PHACTR1: variants seen among roughly 807,000 people sequenced by gnomAD.
PHACTR1 encodes the protein phosphatase and actin regulator 1.
PHACTR1 carries 16 observed loss-of-function variants against 69.2 expected under a neutral mutation model. That is an observed-to-expected ratio of 0.23 (90% CI 0.16 to 0.35). The LOEUF (loss-of-function observed/expected upper bound fraction) is 0.35, where lower values mean the gene tolerates loss of function less well. PHACTR1 is among the 10% of genes least tolerant of loss of function. PHACTR1 has a pLI of 1.00. For synonymous variants in PHACTR1, 312 were observed against 284.5 expected (o/e 1.10, Z -0.97); for missense variants, 510 against 734.7 (o/e 0.69, Z 3.54).
chr6:12,915,501 T>C (rs1786871978), intron 4 of PHACTR1, among the ~76,000 whole-genome samples: 1 of 121,296 alleles, frequency 8.2e-6, no homozygotes, highest in Non-Finnish European at 1.7e-5. Flanking sequence ...AGTGAAACTC[T>C]CTCTCAAAAA....
intron 4 of PHACTR1, among the ~76,000 whole-genome samples, chr6:12,970,187 A>G (rs1794025995): frequency 6.6e-6 from 1 of 152,180 alleles, no homozygotes; most frequent in Non-Finnish European, 1.5e-5. Context: ...TGTGGACTTA[A>G]ACATTAGAGA....
intron 4 of PHACTR1, among the ~76,000 whole-genome samples, chr6:12,835,373 C>T (rs1337935450): frequency 6.6e-6 from 1 of 152,004 alleles, no homozygotes; most frequent in Non-Finnish European, 1.5e-5. Flanking sequence ...CCTGGCCTAA[C>T]CCTTAATCAA....
intron 4 of PHACTR1, among the ~76,000 whole-genome samples, chr6:12,925,884 G>A (rs767911703): frequency 6.6e-6 from 1 of 152,114 alleles, no homozygotes; most frequent in Non-Finnish European, 1.5e-5. Context: ...TGTCTCTCGT[G>A]TATCTTCAAA....
intron 4 of PHACTR1, chr6:12,957,358 G>A: frequency 2.0e-6 from 2 of 985,236 alleles, no homozygotes; most frequent in Non-Finnish European, 2.4e-6. Flanking sequence ...GGCTTGCTGA[G>A]TCAGAAGACT....
At chr6:13,042,147 A>G (rs1483230643) in intron 4 of PHACTR1, among the ~76,000 whole-genome samples, 1 of 152,236 alleles carries the variant, frequency 6.6e-6, no homozygotes, top group African/African-American at 2.4e-5. Flanking sequence ...TCTTTGAGAA[A>G]ATAGTACCAT....
intron 4 of PHACTR1, among the ~76,000 whole-genome samples, chr6:13,048,317 T>C (rs1189960809): frequency 2.6e-5 from 4 of 152,298 alleles, no homozygotes; most frequent in Admixed American, 2.6e-4. Context: ...CTCAGCATTT[T>C]CTCCAGACAG....
At chr6:12,750,552 G>A (rs1408568736) in intron 4 of PHACTR1, among the ~76,000 whole-genome samples, 1 of 146,940 alleles carries the variant, frequency 6.8e-6, no homozygotes, top group African/African-American at 2.5e-5. Context: ...AGGAAGGAAG[G>A]GGGGAAGGAA....
intron 5 of PHACTR1, among the ~76,000 whole-genome samples, chr6:13,080,699 C>T (rs1811232729): frequency 6.6e-6 from 1 of 152,034 alleles, no homozygotes; most frequent in South Asian, 2.1e-4. Context: ...CAAATAAATT[C>T]CCTTACATTG....
chr6:13,189,094 A>G (rs1028701264), intron 7 of PHACTR1, among the ~76,000 whole-genome samples: 1 of 152,254 alleles, frequency 6.6e-6, no homozygotes, highest in Non-Finnish European at 1.5e-5. Flanking sequence ...TACCTGTGGC[A>G]GGTGCCCCCG....
rs188303121 is a variant in PHACTR1, at chr6:12,925,512, A to C, written c.251-127853A>C. The stretch of plus-strand genomic sequence containing the variant: ...CTTCTATATCATATAGCAATTGTGA[A>C]GATTATATTAGATGATGTGCATAAA... On this transcript the variant is annotated intron_variant, in intron 4 of 14. Transcript: ENST00000332995. Among the ~76,000 whole-genome samples, 350 of 152,322 alleles carry C rather than the reference A, an allele frequency of 2.3e-3. 2 individuals are homozygous for C. Among genetic ancestry groups the C allele is most frequent in the African/African-American group, 8.0e-3 (334 of 41,562 alleles).
rs906983885 is a variant in PHACTR1, at chr6:12,911,555, G to T, written c.251-141810G>T. Among the ~76,000 whole-genome samples, 3 of 152,146 alleles carry T rather than the reference G, an allele frequency of 2.0e-5. No homozygotes were observed. In the South Asian group the frequency reaches 6.2e-4, roughly 32 times the overall value. On this transcript the variant is annotated intron_variant, in intron 4 of 14. Coordinates refer to ENST00000332995, the MANE Select transcript of PHACTR1 (RefSeq NM_030948.6). ...GCTTGCAATACTGAGGTGTCTGCTA[G>T]AGGGCAACATATGTTAAATAATAAT...
intron 11 of PHACTR1, among the ~76,000 whole-genome samples, chr6:13,276,564 G>T (rs1425962699): frequency 6.6e-6 from 1 of 152,184 alleles, no homozygotes; most frequent in Non-Finnish European, 1.5e-5. Context: ...CTGAGGTCAG[G>T]AGTTCGAGAC....
At chr6:13,234,938 T>C (rs1341737897) in intron 10 of PHACTR1, among the ~76,000 whole-genome samples, 2 of 152,098 alleles carry the variant, frequency 1.3e-5, no homozygotes, top group African/African-American at 4.8e-5. Context: ...CAGGCAAAAA[T>C]TGTAGAGCTT....
intron 6 of PHACTR1, among the ~76,000 whole-genome samples, chr6:13,166,436 C>G (rs1759823918): frequency 6.6e-6 from 1 of 152,128 alleles, no homozygotes. Flanking sequence ...GTGTCTATAG[C>G]AGTGCCTGGG....
At chr6:13,081,808 T>C (rs1192023612) in intron 5 of PHACTR1, among the ~76,000 whole-genome samples, 1 of 152,170 alleles carries the variant, frequency 6.6e-6, no homozygotes, top group African/African-American at 2.4e-5. Context: ...GCCTAGGCGA[T>C]GGAGTAAGAC....
intron 8 of PHACTR1, among the ~76,000 whole-genome samples, chr6:13,206,892 G>A (rs755330439): frequency 5.3e-5 from 8 of 152,078 alleles, no homozygotes; most frequent in Non-Finnish European, 8.8e-5. Flanking sequence ...GGGAGAACGT[G>A]CAGACTCCAC....
At chr6:12,728,795 G>C in intron 3 of PHACTR1, among the ~76,000 whole-genome samples, 1 of 152,044 alleles carries the variant, frequency 6.6e-6, no homozygotes. Flanking sequence ...TAAAATATAA[G>C]AATATATAGC....
intron 5 of PHACTR1, among the ~76,000 whole-genome samples, chr6:13,123,683 CATA>C (rs1819088546): frequency 6.6e-6 from 1 of 152,114 alleles, no homozygotes; most frequent in South Asian, 2.1e-4. Flanking sequence ...TGCCAATGTG[CATA>C]ACCATTCTTC....
intron 6 of PHACTR1, among the ~76,000 whole-genome samples, chr6:13,162,968 G>A (rs1415022985): frequency 1.3e-5 from 2 of 152,168 alleles, no homozygotes; most frequent in Non-Finnish European, 2.9e-5. Context: ...GCTGCGGGCC[G>A]GGCTCGGTGT....
Sources: gnomAD v4.1 joint callset for allele counts (sites outside exome capture counted in the v4.1 genomes callset) on GRCh38, gnomAD v4.1.1 for gene constraint, MANE v1.5 for transcripts, NCBI Gene and HGNC (gene_info 2026-07-23, HGNC 2026-07-21) for gene names.